The following PLA2R1 variants were observed in gnomAD, a reference collection of about 807,000 sequenced individuals.
PLA2R1 encodes the protein secretory phospholipase A2 receptor.
Under a neutral mutation model 195.9 loss-of-function variants are expected in PLA2R1, and 158 were observed. That is an observed-to-expected ratio of 0.81 (90% CI 0.71 to 0.92). The LOEUF is 0.92. Among genes scored for constraint, PLA2R1 ranks in the 40% least tolerant of loss-of-function variants. PLA2R1 has a pLI of 0.00. For synonymous variants in PLA2R1, 586 were observed against 598.2 expected (o/e 0.98, Z 0.30); for missense variants, 1,626 against 1,764.6 (o/e 0.92, Z 1.41).
chr2:160,017,617 C>T (rs950780406), intron 8 of PLA2R1, among the ~76,000 whole-genome samples: 13 of 152,156 alleles, frequency 8.5e-5, no homozygotes, highest in African/African-American at 2.9e-4. Context: ...AGGCAGATAC[C>T]TTCATGTCTT....
chr2:159,951,049 G>A (rs1687706520), intron 24 of PLA2R1, among the ~76,000 whole-genome samples: 2 of 152,124 alleles, frequency 1.3e-5, no homozygotes, highest in African/African-American at 2.4e-5. Context: ...CAGTGCACAT[G>A]CAAGGCAGTA....
At chr2:159,930,306 G>C (rs984611797), downstream of PLA2R1, among the ~76,000 whole-genome samples, 1 of 152,064 alleles carries the variant, frequency 6.6e-6, no homozygotes, top group Non-Finnish European at 1.5e-5. Flanking sequence ...TACTTGGCAG[G>C]CTGAGGCAGG....
At chr2:159,976,571 A>G (rs745685519) in intron 16 of PLA2R1, 114 bp downstream of exon 16, 1 of 715,090 alleles carries the variant, frequency 1.4e-6, no homozygotes, top group Non-Finnish European at 2.4e-6. Context: ...AGGTTGACAC[A>G]AGAAAAGAGA....
At chr2:159,930,663 G>A (rs1281588427), downstream of PLA2R1, among the ~76,000 whole-genome samples, 1 of 152,158 alleles carries the variant, frequency 6.6e-6, no homozygotes, top group Non-Finnish European at 1.5e-5. Context: ...GGTGAACACG[G>A]AAATGAAATG....
intron 2 of PLA2R1, among the ~76,000 whole-genome samples, chr2:160,042,917 G>A (rs2105600232): frequency 6.6e-6 from 1 of 151,320 alleles, no homozygotes; most frequent in Non-Finnish European, 1.5e-5. Context: ...AGGGGCACAG[G>A]GCACTACTTT....
At chr2:159,957,946 A>G (rs1285440770) in intron 20 of PLA2R1, among the ~76,000 whole-genome samples, 3 of 152,152 alleles carry the variant, frequency 2.0e-5, no homozygotes, top group Non-Finnish European at 4.4e-5. Context: ...AGATAACCCT[A>G]GTCATTGATA....
chr2:160,016,558 T>C (rs1692779680), intron 9 of PLA2R1, 56 bp downstream of exon 9: 3 of 810,008 alleles, frequency 3.7e-6, no homozygotes, highest in African/African-American at 1.7e-5. Context: ...GATGGTGGAA[T>C]TGATATTCTA....
intron 11 of PLA2R1, among the ~76,000 whole-genome samples, chr2:160,000,824 T>C (rs1691539621): frequency 6.6e-6 from 1 of 152,132 alleles, no homozygotes; most frequent in Non-Finnish European, 1.5e-5. Flanking sequence ...AGAGAATCAA[T>C]GAATTGAAAT....
intron 17 of PLA2R1, among the ~76,000 whole-genome samples, chr2:159,972,221 C>T (rs1482900104): frequency 6.6e-6 from 1 of 152,076 alleles, no homozygotes; most frequent in Non-Finnish European, 1.5e-5. Context: ...TGTGATATGG[C>T]ACAGAACTGA....
chr2:160,055,804 G>C (rs1695498341), intron 1 of PLA2R1, among the ~76,000 whole-genome samples: 2 of 152,120 alleles, frequency 1.3e-5, no homozygotes, highest in African/African-American at 4.8e-5. Flanking sequence ...AAAGAGTAAC[G>C]ACTCCCCAGC....
At chr2:159,957,997 G>C (rs1005234065) in intron 20 of PLA2R1, among the ~76,000 whole-genome samples, 3 of 152,120 alleles carry the variant, frequency 2.0e-5, no homozygotes, top group Admixed American at 6.5e-5. Context: ...ATAATTCTAG[G>C]TTAGCGTGGA....
rs1686681014 is a variant in PLA2R1, at chr2:159,933,601, G to A, written c.*8177C>T. 1 of 151,906 alleles carries A rather than the reference G, an allele frequency of 6.6e-6. No homozygotes were observed. The highest frequency in any genetic ancestry group is 1.5e-5 in the Non-Finnish European group (1 of 68,002). The allele number at this position is 151,906 out of a possible 1,614,324, so 9.4% of individuals were successfully genotyped here. ...TCATTTACATATTCCTCTCCCCTGA[G>A]ACTGAGTTCCATGAGGGGAGAGATG... On this transcript the variant is annotated 3_prime_UTR_variant, in exon 30 of 30. Transcript: ENST00000283243.
intron 1 of PLA2R1, among the ~76,000 whole-genome samples, chr2:160,050,140 A>T (rs1695126331): frequency 6.6e-6 from 1 of 152,266 alleles, no homozygotes; most frequent in Admixed American, 6.5e-5. Flanking sequence ...ATTATTTTAA[A>T]AGATTTAAAA....
rs1223582400 is a variant in PLA2R1 at position 160,028,981 on chromosome 2, G to A, written c.842-18C>T. ...CATGTGCTCTGAAATGAAAATTATG[G>A]AGCTTCAAAAAAAAAATCCAGTGTT... On this transcript the variant is annotated intron_variant, in intron 4 of 29. Coordinates refer to ENST00000283243, the MANE Select transcript of PLA2R1 (RefSeq NM_007366.5). 4.3e-6 allele frequency: 6 copies of A among 1,381,524 alleles called. No homozygotes were observed. In the Admixed American group the frequency reaches 5.2e-5, roughly 12 times the overall value. The allele number at this position is 1,381,524 out of a possible 1,614,324, so 85.6% of individuals were successfully genotyped here.
chr2:159,976,322 T>G, intron 16 of PLA2R1, 97 bp from the exon 17 acceptor site: 2 of 721,612 alleles, frequency 2.8e-6, no homozygotes, highest in South Asian at 3.7e-5. Flanking sequence ...TTAAAAATAA[T>G]TGTATACACA....
In PLA2R1 at chr2:159,947,418, C is replaced by T. The variant is rs181959329; in HGVS notation, c.3850+1G>A. ...ATTTTTACCATCACAAAAACAATTA[C>T]CTTCCTTTTTGCAAAATTCATGAGC... is the stretch of plus-strand genomic sequence containing the variant. On this transcript the variant is annotated splice_donor_variant, in intron 26 of 29. Coordinates refer to ENST00000283243, the MANE Select transcript of PLA2R1 (RefSeq NM_007366.5). LOFTEE classifies it high-confidence loss of function. 149 of 1,595,148 alleles carry T rather than the reference C, an allele frequency of 9.3e-5. 1 individual carries two copies. The Admixed American group carries it at 1.1e-3, about 12-fold the overall frequency.
chr2:159,970,109 GT>G, intron 18 of PLA2R1, 38 bp downstream of exon 18: 1 of 1,362,544 alleles, frequency 7.3e-7, no homozygotes, highest in Non-Finnish European at 1.0e-6. Flanking sequence ...AATAAAACCT[GT>G]CAAACAAAAT....
At position 160,058,294 on chromosome 2, in the gene PLA2R1, C is replaced by T. The variant is rs543297936; in HGVS notation, c.109+4001G>A. 1.6e-4 allele frequency among the ~76,000 whole-genome samples: 24 copies of T among 152,318 alleles called. 1 individual carries two copies. The South Asian group carries it at 4.3e-3, about 28-fold the overall frequency. On this transcript the variant is annotated intron_variant, in intron 1 of 29. Coordinates refer to ENST00000283243, the MANE Select transcript of PLA2R1 (RefSeq NM_007366.5). The stretch of plus-strand genomic sequence containing the variant: ...CGAGAGACACCCCGTACACCCAACC[C>T]TGTTTCACTTTCTTCTCCCCAGATA...
At chr2:160,057,121 C>T (rs910204410) in intron 1 of PLA2R1, among the ~76,000 whole-genome samples, 19 of 152,176 alleles carry the variant, frequency 1.2e-4, no homozygotes, top group African/African-American at 4.6e-4. Flanking sequence ...AACCAGACCC[C>T]TCTCCTAGGA....
Sources: gnomAD v4.1 joint callset for allele counts (sites outside exome capture counted in the v4.1 genomes callset) on GRCh38, gnomAD v4.1.1 for gene constraint, MANE v1.5 for transcripts, NCBI Gene and HGNC (gene_info 2026-07-23, HGNC 2026-07-21) for gene names.